The following LHFPL6 variants were observed in gnomAD, a reference collection of about 807,000 sequenced individuals.
LHFPL6 encodes the protein LHFPL tetraspan subfamily member 6.
In LHFPL6, 9 loss-of-function variants were observed where a neutral mutation model predicts 20.6. The observed-to-expected ratio is 0.44, with a 90% CI of 0.26 to 0.76. The LOEUF is 0.76. Ranked by LOEUF, LHFPL6 falls within the 30% of genes least tolerant of loss-of-function variation. The pLI, the probability that LHFPL6 is intolerant of heterozygous loss-of-function variation, is 0.20. For missense variants in LHFPL6, 218 were observed against 253.5 expected (o/e 0.86, Z 0.95); for synonymous variants, 105 against 98.7 (o/e 1.06, Z -0.38).
At chr13:39,386,249 C>A (rs1320210577) in intron 2 of LHFPL6, among the ~76,000 whole-genome samples, 1 of 152,006 alleles carries the variant, frequency 6.6e-6, no homozygotes, top group Admixed American at 6.6e-5. Flanking sequence ...AGATAATGGC[C>A]CCTTTACAAA....
intron 2 of LHFPL6, among the ~76,000 whole-genome samples, chr13:39,597,439 A>T (rs1455100813): frequency 6.6e-6 from 1 of 152,260 alleles, no homozygotes; most frequent in Non-Finnish European, 1.5e-5. Context: ...GTCCTTAATG[A>T]CTAAAACGGT....
At chr13:39,491,685 C>T (rs1450762913) in intron 2 of LHFPL6, among the ~76,000 whole-genome samples, 1 of 152,152 alleles carries the variant, frequency 6.6e-6, no homozygotes, top group Non-Finnish European at 1.5e-5. Context: ...ATAATCTCTC[C>T]TTCTAAAGTA....
intron 2 of LHFPL6, among the ~76,000 whole-genome samples, chr13:39,467,340 C>T (rs932689103): frequency 1.3e-5 from 2 of 152,112 alleles, no homozygotes; most frequent in Admixed American, 6.6e-5. Context: ...TCAATCTCCT[C>T]CCAACTATTT....
chr13:39,390,358 C>T lies in LHFPL6; in HGVS notation c.386-11832G>A, dbSNP rs1052231610. Among the ~76,000 whole-genome samples, 14 of 151,866 alleles carry T rather than the reference C, an allele frequency of 9.2e-5. 1 individual carries two copies. Among genetic ancestry groups the T allele is most frequent in the Non-Finnish European group, 2.1e-4 (14 of 67,984 alleles). On this transcript the variant is annotated intron_variant, in intron 2 of 3. Transcript: ENST00000379589. Reference sequence around the variant, plus strand: ...AAAAAGAAAAAAAAAATTAGCCACGCGTGGTGGTACATGCCTGTAGTCCCG... The same window carrying T: ...AAAAAGAAAAAAAAAATTAGCCACGTGTGGTGGTACATGCCTGTAGTCCCG...
At chr13:39,595,270 C>G (rs1872736540) in intron 2 of LHFPL6, among the ~76,000 whole-genome samples, 1 of 152,126 alleles carries the variant, frequency 6.6e-6, no homozygotes, top group Non-Finnish European at 1.5e-5. Flanking sequence ...CACTGGTGCT[C>G]ACTGTCAGCC....
chr13:39,394,697 T>C (rs1172675500), intron 2 of LHFPL6, among the ~76,000 whole-genome samples: 1 of 152,218 alleles, frequency 6.6e-6, no homozygotes, highest in Non-Finnish European at 1.5e-5. Context: ...AGAAGATATT[T>C]TGGGTTTATC....
chr13:39,349,992 T>C (rs192788612), intron 3 of LHFPL6, among the ~76,000 whole-genome samples: 89 of 152,328 alleles, frequency 5.8e-4, no homozygotes, highest in Middle Eastern at 6.8e-3. Context: ...TCTTTGAAAC[T>C]GTCATTTGTA....
intron 2 of LHFPL6, among the ~76,000 whole-genome samples, chr13:39,559,010 A>G (rs1871391351): frequency 6.6e-6 from 1 of 152,230 alleles, no homozygotes; most frequent in Non-Finnish European, 1.5e-5. Context: ...AGGAGGGGCT[A>G]GAGCCTCCCC....
At chr13:39,543,280 C>T (rs1035812492) in intron 2 of LHFPL6, among the ~76,000 whole-genome samples, 2 of 152,200 alleles carry the variant, frequency 1.3e-5, no homozygotes, top group African/African-American at 4.8e-5. Flanking sequence ...GAGGAATTTA[C>T]TGTCTAGCAA....
intron 2 of LHFPL6, among the ~76,000 whole-genome samples, chr13:39,521,040 G>T (rs1870089865): frequency 6.6e-6 from 1 of 152,174 alleles, no homozygotes; most frequent in South Asian, 2.1e-4. Context: ...ACAGGTCCAT[G>T]TCAAATTCTA....
At chr13:39,558,968 G>C (rs550242599) in intron 2 of LHFPL6, among the ~76,000 whole-genome samples, 138 of 152,202 alleles carry the variant, frequency 9.1e-4, no homozygotes, top group African/African-American at 3.2e-3. Flanking sequence ...TTTGGTCTTG[G>C]CCCATTCAAG....
In LHFPL6 at chr13:39,369,207, T is replaced by G. The variant is rs141030008; in HGVS notation, c.484+9221A>C. On this transcript the variant is annotated intron_variant, in intron 3 of 3. Transcript: ENST00000379589. Reference sequence around the variant, plus strand: ...AAGAAATCTTATTTCCCACAGGTTTTCTAAGAGATTTCCTTTTTCCCACAA... The same window carrying G: ...AAGAAATCTTATTTCCCACAGGTTTGCTAAGAGATTTCCTTTTTCCCACAA... 5.1e-3 allele frequency among the ~76,000 whole-genome samples: 777 copies of G among 152,272 alleles called. 8 individuals carry two copies. The highest frequency in any genetic ancestry group is 0.018 in the African/African-American group (757 of 41,554).
At chr13:39,579,928 T>C (rs1221046988) in intron 2 of LHFPL6, among the ~76,000 whole-genome samples, 1 of 152,216 alleles carries the variant, frequency 6.6e-6, no homozygotes, top group Non-Finnish European at 1.5e-5. Flanking sequence ...GTACATTTAC[T>C]TCTTTGTTCC....
chr13:39,452,032 C>A (rs111606342), intron 2 of LHFPL6, among the ~76,000 whole-genome samples: 3 of 151,814 alleles, frequency 2.0e-5, no homozygotes, highest in African/African-American at 7.3e-5. Context: ...CATCAAGGCC[C>A]AAGAGGAACC....
intron 2 of LHFPL6, among the ~76,000 whole-genome samples, chr13:39,397,943 T>A (rs1326032382): frequency 6.6e-6 from 1 of 152,124 alleles, no homozygotes; most frequent in Non-Finnish European, 1.5e-5. Flanking sequence ...TGCATTTGTG[T>A]AGAGAGAGAC....
chr13:39,353,148 A>G (rs1194886553), intron 3 of LHFPL6, among the ~76,000 whole-genome samples: 1 of 150,636 alleles, frequency 6.6e-6, no homozygotes, highest in African/African-American at 2.4e-5. Context: ...ATGCCCAGCT[A>G]ATTTTTGTAT....
At chr13:39,425,604 T>C (rs1871616264) in intron 2 of LHFPL6, among the ~76,000 whole-genome samples, 1 of 152,230 alleles carries the variant, frequency 6.6e-6, no homozygotes, top group African/African-American at 2.4e-5. Flanking sequence ...ATTGTGGTTT[T>C]TGATTTGCAT....
chr13:39,569,603 G>C (rs1175269058), intron 2 of LHFPL6, among the ~76,000 whole-genome samples: 1 of 152,072 alleles, frequency 6.6e-6, no homozygotes, highest in Non-Finnish European at 1.5e-5. Context: ...CCTCAACTTT[G>C]GTTTTGACGA....
chr13:39,587,052 G>A (rs374457759), intron 2 of LHFPL6, among the ~76,000 whole-genome samples: 15 of 152,194 alleles, frequency 9.9e-5, no homozygotes, highest in African/African-American at 3.4e-4. Context: ...AGCTACTCAG[G>A]AGGCTGCAGC....
Sources: allele counts gnomAD v4.1 joint callset (sites outside exome capture counted in the v4.1 genomes callset), GRCh38; gene constraint gnomAD v4.1.1; transcripts MANE v1.5; gene names NCBI Gene and HGNC (gene_info 2026-07-23, HGNC 2026-07-21).